Variants in SLC30A8 observed in about 807,000 individuals in gnomAD.
SLC30A8 encodes the protein solute carrier family 30 member 8.
In SLC30A8, 27 loss-of-function variants were observed where a neutral mutation model predicts 36.9. The ratio of observed to expected loss-of-function variants is 0.73; its 90% CI spans 0.54 to 1.01. The LOEUF is 1.01. Among genes scored for constraint, SLC30A8 ranks in the 50% least tolerant of loss-of-function variants. SLC30A8 has a pLI of 0.00. For missense variants in SLC30A8, 439 were observed against 452.0 expected (o/e 0.97, Z 0.26); for synonymous variants, 164 against 172.4 (o/e 0.95, Z 0.38).
intron 1 of SLC30A8, among the ~76,000 whole-genome samples, chr8:117,031,001 TAAC>T (rs1022064444): frequency 1.3e-5 from 2 of 152,176 alleles, no homozygotes; most frequent in East Asian, 1.9e-4. Flanking sequence ...CTAAGCTTAC[TAAC>T]AACAACAACA....
chr8:117,037,064 T>TATA (rs147191538), intron 1 of SLC30A8, among the ~76,000 whole-genome samples: 185 of 152,328 alleles, frequency 1.2e-3, no homozygotes, highest in Non-Finnish European at 2.0e-3. Flanking sequence ...GCTTTGTAGG[T>TATA]ATAACCTTTG....
chr8:117,075,145 C>G (rs1818451164), intron 2 of SLC30A8, among the ~76,000 whole-genome samples: 1 of 152,022 alleles, frequency 6.6e-6, no homozygotes, highest in Non-Finnish European at 1.5e-5. Flanking sequence ...ACACAACTTC[C>G]TATAACAAAA....
At chr8:117,079,709 G>A (rs1818603083) in intron 2 of SLC30A8, among the ~76,000 whole-genome samples, 1 of 152,206 alleles carries the variant, frequency 6.6e-6, no homozygotes, top group African/African-American at 2.4e-5. Flanking sequence ...CACTGCCACA[G>A]CTATTTAGCT....
At chr8:117,129,634 A>G (rs1821049371) in intron 2 of SLC30A8, among the ~76,000 whole-genome samples, 1 of 152,024 alleles carries the variant, frequency 6.6e-6, no homozygotes, top group South Asian at 2.1e-4. Flanking sequence ...TGTAATACCT[A>G]AAATAGGAAA....
chr8:117,156,336 C>T (rs1188997306), intron 3 of SLC30A8, among the ~76,000 whole-genome samples: 2 of 152,190 alleles, frequency 1.3e-5, no homozygotes, highest in Non-Finnish European at 2.9e-5. Flanking sequence ...AGCCGCCGCA[C>T]CCAGCCAAAG....
intron 1 of SLC30A8, among the ~76,000 whole-genome samples, chr8:116,973,941 G>T (rs1486998066): frequency 1.3e-5 from 2 of 152,144 alleles, no homozygotes; most frequent in East Asian, 1.9e-4. Context: ...AATGGGGCAA[G>T]GATTCCCTAT....
rs539005862 is a variant in SLC30A8 at position 117,128,743 on chromosome 8, G to T, written c.-225-6537G>T. Among the ~76,000 whole-genome samples the T allele has an allele frequency of 3.8e-4, 58 of 152,152 alleles. 1 individual carries two copies. Among genetic ancestry groups the T allele is most frequent in the Admixed American group, 3.6e-3 (55 of 15,274 alleles). On this transcript the variant is annotated intron_variant, in intron 2 of 10. Coordinates refer to the SLC30A8 transcript ENST00000427715. ...CTTCTCAATCCTTAGCATAAATAGT[G>T]TACACAACAAAATACTTGGGAAGTG...
At chr8:117,095,137 G>A (rs1041078175) in intron 2 of SLC30A8, among the ~76,000 whole-genome samples, 3 of 152,150 alleles carry the variant, frequency 2.0e-5, no homozygotes, top group African/African-American at 7.2e-5. Context: ...CGCCAGGGAG[G>A]GCAGGGCTCC....
intron 2 of SLC30A8, among the ~76,000 whole-genome samples, chr8:117,129,718 G>A (rs1044339629): frequency 3.3e-5 from 5 of 151,900 alleles, no homozygotes; most frequent in African/African-American, 1.2e-4. Flanking sequence ...TTTATTTTGT[G>A]AATGATAACG....
chr8:117,175,471 T>C lies in SLC30A8; in HGVS notation c.*2790T>C, dbSNP rs1823632761. 6.6e-6 allele frequency: 1 copy of C among 152,120 alleles called. No homozygotes were observed. Among genetic ancestry groups the C allele is most frequent in the Non-Finnish European group, 1.5e-5 (1 of 67,998 alleles). 9.4% of individuals were successfully genotyped at this position (152,120 alleles called of 1,614,324 possible). On this transcript the variant is annotated 3_prime_UTR_variant, in exon 8 of 8. Coordinates refer to ENST00000456015, the MANE Select transcript of SLC30A8 (RefSeq NM_173851.3). The stretch of plus-strand genomic sequence containing the variant: ...CATGAAAGAAAGGATGTTTACACAT[T>C]AAGCATCAGTTCTGAAGCTAGATTG...
At chr8:117,136,007 G>C (rs1489637693) in intron 1 of SLC30A8, among the ~76,000 whole-genome samples, 1 of 151,670 alleles carries the variant, frequency 6.6e-6, no homozygotes, top group South Asian at 2.1e-4. Context: ...TAATGAGAAA[G>C]AAAAAAATGT....
chr8:117,004,131 A>G (rs1816098374), intron 1 of SLC30A8, among the ~76,000 whole-genome samples: 1 of 152,192 alleles, frequency 6.6e-6, no homozygotes, highest in Non-Finnish European at 1.5e-5. Context: ...ATGTGCCTCT[A>G]TTTGATACAG....
At chr8:117,143,052 A>G (rs746436095) in intron 1 of SLC30A8, among the ~76,000 whole-genome samples, 5 of 152,224 alleles carry the variant, frequency 3.3e-5, no homozygotes, top group Non-Finnish European at 5.9e-5. Context: ...ATGAAAGTAC[A>G]AAAGCAAAGT....
At chr8:117,033,007 G>A (rs1294437860) in intron 1 of SLC30A8, among the ~76,000 whole-genome samples, 1 of 152,196 alleles carries the variant, frequency 6.6e-6, no homozygotes, top group Non-Finnish European at 1.5e-5. Context: ...ATCCTGGGCA[G>A]CATTGGCAGC....
intron 2 of SLC30A8, among the ~76,000 whole-genome samples, chr8:117,042,076 C>T (rs1328435341): frequency 1.3e-5 from 2 of 152,186 alleles, no homozygotes; most frequent in Non-Finnish European, 2.9e-5. Context: ...AAAGCCAGTA[C>T]ATTTTATCTT....
At chr8:117,133,024 C>T (rs548015739), upstream of SLC30A8, among the ~76,000 whole-genome samples, 14 of 151,974 alleles carry the variant, frequency 9.2e-5, no homozygotes, top group Admixed American at 7.9e-4. Context: ...TAATTAATTT[C>T]CTAGTACTTT....
intron 2 of SLC30A8, among the ~76,000 whole-genome samples, chr8:117,123,299 T>G (rs192068832): frequency 6.6e-6 from 1 of 152,104 alleles, no homozygotes; most frequent in Admixed American, 6.6e-5. Flanking sequence ...CCAAATACCT[T>G]AATGTTTTAA....
chr8:117,112,179 C>G (rs1051810512), intron 2 of SLC30A8, among the ~76,000 whole-genome samples: 1 of 152,074 alleles, frequency 6.6e-6, no homozygotes. Context: ...TGATAAATGA[C>G]AGGTGATTTT....
At chr8:117,150,334 T>C (rs1394013652) in intron 2 of SLC30A8, among the ~76,000 whole-genome samples, 1 of 152,214 alleles carries the variant, frequency 6.6e-6, no homozygotes, top group Non-Finnish European at 1.5e-5. Context: ...GTCTGTGTTC[T>C]CCATGGAAAC....
Sources: allele counts gnomAD v4.1 joint callset (sites outside exome capture counted in the v4.1 genomes callset), GRCh38; gene constraint gnomAD v4.1.1; transcripts MANE v1.5; gene names NCBI Gene and HGNC (gene_info 2026-07-23, HGNC 2026-07-21).